RRP1B: variants seen among roughly 807,000 people sequenced by gnomAD.
The protein encoded by RRP1B is ribosomal RNA processing protein 1 homolog B.
Under a neutral mutation model 80.2 loss-of-function variants are expected in RRP1B, and 56 were observed. That is an observed-to-expected ratio of 0.70 (90% CI 0.56 to 0.87). RRP1B has a LOEUF of 0.87. RRP1B is among the 40% of genes least tolerant of loss of function. The pLI is 0.00. For missense variants in RRP1B, 807 were observed against 939.8 expected, an observed-to-expected ratio of 0.86 and a Z score of 1.85; for synonymous variants, 351 against 357.6, an observed-to-expected ratio of 0.98 and a Z score of 0.21.
chr21:43,673,989 G>A, intron 4 of RRP1B, 34 bp downstream of exon 4: 1 of 1,468,588 alleles, frequency 6.8e-7, no homozygotes, highest in Non-Finnish European at 9.4e-7. Context: ...AAAAACTCCT[G>A]GGAAGAAAAG....
Position 43,693,511 on chromosome 21 carries a change from AGTGCC to A in RRP1B, c.*129_*133del. On this transcript the variant is annotated 3_prime_UTR_variant, in exon 16 of 16. Coordinates refer to ENST00000340648, the MANE Select transcript of RRP1B (RefSeq NM_015056.3). This position sits in a 1 kb window ranked among gnomAD's most constrained non-coding sequence, Gnocchi z 4.1. The stretch of plus-strand genomic sequence containing the variant: ...TAAGTTGTGTGCACGAGGTTCTGAG[AGTGCC>A]CGCAGGCTGCTGCGTCCTGGCCCCT... 1.1e-6 allele frequency: 1 copy of A among 934,158 alleles called. No homozygotes were observed. The highest frequency in any genetic ancestry group is 1.5e-6 in the Non-Finnish European group (1 of 659,432). The allele number at this position is 934,158 out of a possible 1,614,324, so 57.9% of individuals were successfully genotyped here. A position where few individuals can be genotyped will look rare whatever the true frequency, so the allele number is the denominator to read the frequency against.
chr21:43,674,586 CTTTTTTTTTTTTTT>C (rs33994751), intron 4 of RRP1B, 36 bp from the exon 5 acceptor site: 22 of 392,704 alleles, frequency 5.6e-5, no homozygotes, highest in South Asian at 1.4e-4. Flanking sequence ...CTTACCTTTC[CTTTTTTTTTTTTTT>C]TTTTTTTTTT....
intron 8 of RRP1B, among the ~76,000 whole-genome samples, chr21:43,682,723 G>A (rs560856997): frequency 7.2e-5 from 11 of 152,358 alleles, no homozygotes; most frequent in African/African-American, 2.2e-4. Flanking sequence ...GGAAATCATC[G>A]AAGGCAGCAG....
In RRP1B at chr21:43,693,326, C is replaced by T. The variant is rs368582698; in HGVS notation, c.2220C>T (p.Ala740=). The T allele has an allele frequency of 3.7e-6, 6 of 1,610,800 alleles. No homozygotes were observed. In the African/African-American group the frequency reaches 8.0e-5, roughly 22 times the overall value. The change falls in exon 16 of 16, where the codon GCC becomes GCT. Residue 740 remains alanine (A), a synonymous_variant. Coordinates refer to ENST00000340648, the MANE Select transcript of RRP1B (RefSeq NM_015056.3). The surrounding 1 kb of genome is among the most constrained non-coding windows in gnomAD (Gnocchi z 4.1). ...CACCTGCCAGCTCACCCCTGGTGGC[C>T]AAGAAGCCCCTGACCACCACACCAA... ...TSSPASSPLV[A]KKPLTTTPRR... is the part of the protein sequence containing the mutation.
intron 2 of RRP1B, 40 bp from the exon 3 acceptor site, chr21:43,672,268 A>T: frequency 6.2e-7 from 1 of 1,601,474 alleles, no homozygotes; most frequent in African/African-American, 1.3e-5. Flanking sequence ...ATGTTGCCCC[A>T]CGATAACCCC....
In RRP1B at chr21:43,684,612, C is replaced by A; in HGVS notation, c.951C>A (p.Pro317=). 6.2e-7 allele frequency: 1 copy of A among 1,614,142 alleles called. No individual in the cohort carries two copies. Among genetic ancestry groups the A allele is most frequent in the Non-Finnish European group, 8.5e-7 (1 of 1,180,012 alleles). ...LLEMTSRKNT[P]HFNRKRLSKL... Reference sequence around the variant, plus strand: ...AAATGACCAGCAGGAAGAACACGCCCCACTTCAACAGGAAGCGCCTCTCCA... The same window carrying A: ...AAATGACCAGCAGGAAGAACACGCCACACTTCAACAGGAAGCGCCTCTCCA... Residue 317 remains proline, a synonymous_variant, in exon 10 of 16, where the codon CCC becomes CCA. Transcript: ENST00000340648.
intron 1 of RRP1B, among the ~76,000 whole-genome samples, chr21:43,663,076 A>C (rs997018225): frequency 6.6e-6 from 1 of 152,330 alleles, no homozygotes; most frequent in East Asian, 1.9e-4. Context: ...TCTCTATCCA[A>C]GAGTTATAAT....
chr21:43,674,812 T>G, intron 5 of RRP1B, 115 bp downstream of exon 5: 1 of 1,077,652 alleles, frequency 9.3e-7, no homozygotes, highest in Non-Finnish European at 1.4e-6. Context: ...TCGTTACCTA[T>G]AGAGAATTGA....
At chr21:43,681,597 A>T (rs2083044011) in intron 8 of RRP1B, among the ~76,000 whole-genome samples, 1 of 152,188 alleles carries the variant, frequency 6.6e-6, no homozygotes, top group South Asian at 2.1e-4. Flanking sequence ...GGCCTCCCAA[A>T]GTCTTGGAAT....
chr21:43,686,932 A>G lies in RRP1B; in HGVS notation c.1138A>G (p.Lys380Glu). 1 of 1,613,190 alleles carries G rather than the reference A, an allele frequency of 6.2e-7. No individual in the cohort carries two copies. Among genetic ancestry groups the G allele is most frequent in the East Asian group, 2.2e-5 (1 of 44,874 alleles). Reference sequence around the variant, plus strand: ...AGAGAAAACTAACTTGGAAAAGGAGAAAGGTAAGCTGTAAAGCTAAAAAGA... The same window carrying G: ...AGAGAAAACTAACTTGGAAAAGGAGGAAGGTAAGCTGTAAAGCTAAAAAGA... ...LLEKTNLEKE[K>E]GSRVFCVEEE... Residue 380 changes from lysine (K) to glutamate (E), a missense_variant, in exon 12 of 16, where the codon AAA becomes GAA. Coordinates refer to ENST00000340648, the MANE Select transcript of RRP1B (RefSeq NM_015056.3).
chr21:43,685,982 G>A (rs1031388979), intron 11 of RRP1B, 193 bp downstream of exon 11: 42 of 474,684 alleles, frequency 8.8e-5, no homozygotes, highest in Admixed American at 2.0e-4. Context: ...TTAGCCAGGC[G>A]TGGTGGCGTG....
chr21:43,690,588 C>A, intron 14 of RRP1B, 148 bp downstream of exon 14: 1 of 878,188 alleles, frequency 1.1e-6, no homozygotes, highest in Admixed American at 2.8e-5. Flanking sequence ...GCCAGGGTAG[C>A]ATAAGGTCTG....
chr21:43,662,100 G>A (rs946661629), intron 1 of RRP1B, among the ~76,000 whole-genome samples: 1 of 152,214 alleles, frequency 6.6e-6, no homozygotes, highest in Non-Finnish European at 1.5e-5. Flanking sequence ...ACATGCAACC[G>A]TAAAAGGTCT....
In RRP1B at chr21:43,687,965, C is replaced by T. The variant is rs1262330623; in HGVS notation, c.1591C>T (p.Pro531Ser). Reference sequence around the variant, plus strand: ...AAGGAAGCGGAAACTTGGAGTTGTGCCCGTCAATGGCAGTGGCCTGTCCAC... The same window carrying T: ...AAGGAAGCGGAAACTTGGAGTTGTGTCCGTCAATGGCAGTGGCCTGTCCAC... ...LKRKRKLGVV[P>S]VNGSGLSTPA... The change falls in exon 13 of 16, where the codon CCC (proline) becomes TCC (serine). Residue 531 changes from proline (P) to serine (S), a missense_variant. Physicochemically the swap from Pro to Ser is moderately conservative, Grantham distance 74. Transcript: ENST00000340648. 9 of 1,613,056 alleles carry T rather than the reference C, an allele frequency of 5.6e-6. No homozygotes were observed. The highest frequency in any genetic ancestry group is 1.7e-5 in the Admixed American group (1 of 60,012).
In RRP1B at chr21:43,694,922, A is replaced by C. The variant is rs2083101620; in HGVS notation, c.*1539A>C. The C allele has an allele frequency of 6.6e-6, 1 of 152,240 alleles. No homozygotes were observed. Among genetic ancestry groups the C allele is most frequent in the Non-Finnish European group, 1.5e-5 (1 of 68,042 alleles). 9.4% of individuals were successfully genotyped at this position (152,240 alleles called of 1,614,324 possible). A position where few individuals can be genotyped will look rare whatever the true frequency, so the allele number is the denominator to read the frequency against. On this transcript the variant is annotated 3_prime_UTR_variant, in exon 16 of 16. Transcript: ENST00000340648. ...AGACTGACTTGCTGGCGTCAAGAGC[A>C]GTTGACTCACTGATGAAGGCCCTGG...
rs777996167 is a variant in RRP1B at position 43,685,732 on chromosome 21, AT to A, written c.990-31del. 23 of 1,371,568 alleles carry A rather than the reference AT, an allele frequency of 1.7e-5. No homozygotes were observed. The Admixed American group carries it at 3.8e-4, about 23-fold the overall frequency. The allele number at this position is 1,371,568 out of a possible 1,614,324, so 85.0% of individuals were successfully genotyped here. A position where few individuals can be genotyped will look rare whatever the true frequency, so the allele number is the denominator to read the frequency against. On this transcript the variant is annotated intron_variant, in intron 10 of 15. Transcript: ENST00000340648. ...AGGGATTTCTTTATGAACATTTGTT[AT>A]TTTTTTATTTTTTATTTTTTATTTT...
intron 1 of RRP1B, among the ~76,000 whole-genome samples, chr21:43,660,335 G>A (rs2082946798): frequency 6.6e-6 from 1 of 152,204 alleles, no homozygotes; most frequent in Admixed American, 6.5e-5. Flanking sequence ...AAGCCGAGGC[G>A]GGCGGATCAC....
intron 8 of RRP1B, among the ~76,000 whole-genome samples, chr21:43,677,234 C>G (rs1288227950): frequency 2.6e-5 from 4 of 152,196 alleles, no homozygotes; most frequent in Non-Finnish European, 5.9e-5. Flanking sequence ...TTGTTTGACA[C>G]GCTAACACCT....
chr21:43,667,631 G>A (rs1199855292), intron 1 of RRP1B, among the ~76,000 whole-genome samples: 2 of 152,066 alleles, frequency 1.3e-5, no homozygotes, highest in Admixed American at 1.3e-4. Flanking sequence ...GGATATATGT[G>A]GTCTTTGAAC....
Sources: allele counts gnomAD v4.1 joint callset (sites outside exome capture counted in the v4.1 genomes callset), GRCh38; gene constraint gnomAD v4.1.1; non-coding constraint Gnocchi (gnomAD v3.1); transcripts MANE v1.5; gene names NCBI Gene and HGNC (gene_info 2026-07-23, HGNC 2026-07-21).